The following DISP1 variants were observed in gnomAD, a reference collection of about 807,000 sequenced individuals.
DISP1 encodes dispatched RND transporter family member 1.
Under a neutral mutation model 37.3 loss-of-function variants are expected in DISP1, and 30 were observed. The ratio of observed to expected loss-of-function variants is 0.80; its 90% confidence interval spans 0.60 to 1.09. The LOEUF (loss-of-function observed/expected upper bound fraction) is 1.09, where lower values mean the gene tolerates loss of function less well. DISP1 is among the 50% of genes least tolerant of loss of function. The pLI, the probability that DISP1 is intolerant of heterozygous loss-of-function variation, is 0.00. For synonymous variants in DISP1, 634 were observed against 690.2 expected (o/e 0.92, Z 1.28); for missense variants, 1,598 against 1,879.5 (o/e 0.85, Z 2.77).
At chr1:222,976,564 C>G (rs939421758) in intron 3 of DISP1, among the ~76,000 whole-genome samples, 1 of 151,986 alleles carries the variant, frequency 6.6e-6, no homozygotes, top group African/African-American at 2.4e-5. Flanking sequence ...TTTTTCTTTT[C>G]CAACTGATGT....
At chr1:222,867,071 A>G (rs1044299190) in intron 1 of DISP1, among the ~76,000 whole-genome samples, 1 of 152,186 alleles carries the variant, frequency 6.6e-6, no homozygotes, top group African/African-American at 2.4e-5. Context: ...ATTATGTGCA[A>G]CTGGCACATT....
At chr1:222,838,585 C>T (rs1303824596) in intron 1 of DISP1, among the ~76,000 whole-genome samples, 1 of 151,856 alleles carries the variant, frequency 6.6e-6, no homozygotes, top group African/African-American at 2.4e-5. Flanking sequence ...GCCTGGGCAA[C>T]ATAGTGAGAC....
chr1:222,968,958 A>G (rs1418419785), intron 3 of DISP1, among the ~76,000 whole-genome samples: 1 of 151,992 alleles, frequency 6.6e-6, no homozygotes, highest in Admixed American at 6.6e-5. Context: ...TTTACCAAAG[A>G]TGGTAATTGA....
intron 3 of DISP1, among the ~76,000 whole-genome samples, chr1:222,954,713 T>C (rs1675466749): frequency 6.6e-6 from 1 of 151,974 alleles, no homozygotes; most frequent in South Asian, 2.1e-4. Flanking sequence ...GAGGGGCTTT[T>C]CAAAAATGAA....
At chr1:222,910,296 G>A (rs903034762) in intron 1 of DISP1, among the ~76,000 whole-genome samples, 2 of 152,114 alleles carry the variant, frequency 1.3e-5, no homozygotes, top group Non-Finnish European at 2.9e-5. Context: ...TGGAGAAGTC[G>A]AGGCTACAGT....
At chr1:222,858,046 G>GTTA (rs1668646889) in intron 1 of DISP1, among the ~76,000 whole-genome samples, 3 of 152,050 alleles carry the variant, frequency 2.0e-5, no homozygotes, top group Admixed American at 6.6e-5. Context: ...ATACTATAAG[G>GTTA]CTATAGTAAC....
At chr1:222,907,761 C>A (rs1671983017) in intron 1 of DISP1, among the ~76,000 whole-genome samples, 1 of 152,060 alleles carries the variant, frequency 6.6e-6, no homozygotes, top group South Asian at 2.1e-4. Context: ...ACCAGCCTGA[C>A]CAACATGGTG....
At chr1:222,951,629 A>C (rs1350564464) in intron 3 of DISP1, among the ~76,000 whole-genome samples, 2 of 152,228 alleles carry the variant, frequency 1.3e-5, no homozygotes, top group Admixed American at 6.5e-5. Flanking sequence ...GAGTCCATTC[A>C]AATGCTTCTC....
chr1:222,908,541 G>A (rs1006742152), intron 1 of DISP1, among the ~76,000 whole-genome samples: 4 of 152,076 alleles, frequency 2.6e-5, no homozygotes, highest in South Asian at 2.1e-4. Context: ...GATTACAGGC[G>A]CCCACCACCA....
intron 1 of DISP1, among the ~76,000 whole-genome samples, chr1:222,875,454 C>G (rs1669907987): frequency 6.6e-6 from 1 of 151,646 alleles, no homozygotes; most frequent in Non-Finnish European, 1.5e-5. Flanking sequence ...CTTTTTTCCC[C>G]CCTTTTATAT....
chr1:222,860,900 A>G (rs777055370), intron 1 of DISP1, among the ~76,000 whole-genome samples: 4 of 152,160 alleles, frequency 2.6e-5, no homozygotes, highest in Admixed American at 2.6e-4. Context: ...AACAAAAAAA[A>G]GAAAGTGATT....
chr1:222,908,285 G>C (rs1397371750), intron 1 of DISP1, among the ~76,000 whole-genome samples: 1 of 152,186 alleles, frequency 6.6e-6, no homozygotes, highest in East Asian at 1.9e-4. Context: ...ACAGGAGTTT[G>C]AAGTTGCAAT....
At chr1:222,980,426 T>TGC (rs1020510147) in intron 3 of DISP1, among the ~76,000 whole-genome samples, 6 of 151,872 alleles carry the variant, frequency 4.0e-5, no homozygotes, top group African/African-American at 1.5e-4. Flanking sequence ...TGTGTGTGTG[T>TGC]GTGTGTGTGT....
intron 1 of DISP1, among the ~76,000 whole-genome samples, chr1:222,869,073 C>A (rs1572383287): frequency 6.6e-6 from 1 of 152,042 alleles, no homozygotes; most frequent in Non-Finnish European, 1.5e-5. Flanking sequence ...AGTGTAATTA[C>A]AATTTTTATT....
intron 2 of DISP1, among the ~76,000 whole-genome samples, chr1:222,931,561 A>G (rs1018420881): frequency 2.0e-5 from 3 of 151,962 alleles, no homozygotes; most frequent in African/African-American, 7.2e-5. Context: ...GATCCTGTTT[A>G]TTAACAAACC....
At chr1:222,848,483 T>C (rs752756490) in intron 1 of DISP1, among the ~76,000 whole-genome samples, 165 of 152,220 alleles carry the variant, frequency 1.1e-3, no homozygotes, top group Non-Finnish European at 1.9e-3. Context: ...TTAATTTTTA[T>C]ACTTTGTGTA....
intron 1 of DISP1, among the ~76,000 whole-genome samples, chr1:222,882,036 T>C (rs957968120): frequency 6.6e-6 from 1 of 152,194 alleles, no homozygotes; most frequent in African/African-American, 2.4e-5. Context: ...TATGGACTTT[T>C]AACAATTAAA....
At chr1:222,977,207 T>C (rs960695936) in intron 3 of DISP1, among the ~76,000 whole-genome samples, 1 of 151,708 alleles carries the variant, frequency 6.6e-6, no homozygotes, top group African/African-American at 2.4e-5. Context: ...TTTTTGTATT[T>C]TTTTTTAGCA....
chr1:222,911,075 G>A (rs983761512), intron 1 of DISP1, among the ~76,000 whole-genome samples: 17 of 152,158 alleles, frequency 1.1e-4, no homozygotes, highest in African/African-American at 3.9e-4. Flanking sequence ...CACAGTAATT[G>A]TCTTCAGGGC....
Sources: gnomAD v4.1 joint callset for allele counts (sites outside exome capture counted in the v4.1 genomes callset) on GRCh38, gnomAD v4.1.1 for gene constraint, MANE v1.5 for transcripts, NCBI Gene and HGNC (gene_info 2026-07-23, HGNC 2026-07-21) for gene names.